LRBA: variants seen among roughly 807,000 people sequenced by gnomAD.
LRBA encodes the protein LPS responsive beige-like anchor protein.
LRBA carries 176 observed loss-of-function variants against 330.0 expected under a neutral mutation model. The observed-to-expected ratio is 0.53, with a 90% CI of 0.47 to 0.60. LRBA has a LOEUF of 0.60. Ranked by LOEUF, LRBA falls within the 20% of genes least tolerant of loss-of-function variation. The pLI, the probability that LRBA is intolerant of heterozygous loss-of-function variation, is 0.00. For synonymous variants in LRBA, 1,230 were observed against 1,193.0 expected (o/e 1.03, Z -0.64); for missense variants, 3,259 against 3,444.8 (o/e 0.95, Z 1.35).
At chr4:150,320,420 C>T (rs1732330283) in intron 50 of LRBA, among the ~76,000 whole-genome samples, 1 of 150,970 alleles carries the variant, frequency 6.6e-6, no homozygotes, top group Admixed American at 6.6e-5. Flanking sequence ...TTTAAGTGTT[C>T]TTTTTTTTTT....
At chr4:150,935,871 A>G (rs1457481688) in intron 2 of LRBA, among the ~76,000 whole-genome samples, 1 of 151,988 alleles carries the variant, frequency 6.6e-6, no homozygotes, top group Admixed American at 6.5e-5. Flanking sequence ...CTTACAAAAT[A>G]TGCCAAAATA....
chr4:150,283,282 G>C (rs4696238), intron 54 of LRBA, among the ~76,000 whole-genome samples: 140,836 of 152,196 alleles, frequency 0.93, 65,624 homozygotes, highest in Non-Finnish European at 0.99. Context: ...TCACAGCAAG[G>C]AGCAGCATCT....
chr4:150,847,243 C>T (rs1345012723), intron 26 of LRBA, among the ~76,000 whole-genome samples: 1 of 152,002 alleles, frequency 6.6e-6, no homozygotes, highest in African/African-American at 2.4e-5. Flanking sequence ...CCGTGAAAAT[C>T]AACAATGACA....
intron 46 of LRBA, among the ~76,000 whole-genome samples, chr4:150,431,710 A>G (rs577298608): frequency 4.3e-4 from 65 of 152,254 alleles, no homozygotes; most frequent in Non-Finnish European, 8.4e-4. Context: ...TAAGTGGCTT[A>G]TATTTGTGGT....
rs142658256 is a variant in LRBA at position 150,962,811 on chromosome 4, G to A, written c.217-33746C>T. Among the ~76,000 whole-genome samples the A allele has an allele frequency of 6.4e-4, 95 of 147,522 alleles. 1 individual carries two copies. In the East Asian group the frequency reaches 0.013, roughly 20 times the overall value. Reference sequence around the variant, plus strand: ...TCTACTAAAAATATAAAAATTAGCCGGGCGTGGTGGCATGTGCCTATAATC... The same window carrying A: ...TCTACTAAAAATATAAAAATTAGCCAGGCGTGGTGGCATGTGCCTATAATC... On this transcript the variant is annotated intron_variant, in intron 2 of 56. Transcript: ENST00000651943.
chr4:150,887,429 G>A (rs1729052757), intron 17 of LRBA, among the ~76,000 whole-genome samples: 1 of 152,094 alleles, frequency 6.6e-6, no homozygotes, highest in African/African-American at 2.4e-5. Flanking sequence ...AAAGTGAAAG[G>A]AGAAAGATAT....
At chr4:150,609,420 T>G (rs777258071) in intron 37 of LRBA, among the ~76,000 whole-genome samples, 1 of 152,172 alleles carries the variant, frequency 6.6e-6, no homozygotes, top group Non-Finnish European at 1.5e-5. Context: ...AGATTGGAAA[T>G]AGTTTATACA....
intron 40 of LRBA, among the ~76,000 whole-genome samples, chr4:150,520,178 C>G (rs1463632923): frequency 6.6e-6 from 1 of 152,068 alleles, no homozygotes; most frequent in Non-Finnish European, 1.5e-5. Context: ...TTCTAGAAGT[C>G]TCTTGTTCTT....
At chr4:150,457,993 C>A (rs998019377) in intron 44 of LRBA, among the ~76,000 whole-genome samples, 2 of 151,876 alleles carry the variant, frequency 1.3e-5, no homozygotes, top group East Asian at 1.9e-4. Context: ...CAGGATTATT[C>A]ATCACCCTGA....
intron 35 of LRBA, among the ~76,000 whole-genome samples, chr4:150,753,494 T>C (rs781609416): frequency 6.6e-6 from 1 of 152,186 alleles, no homozygotes; most frequent in African/African-American, 2.4e-5. Flanking sequence ...TAATAAATGA[T>C]CCTACGTACA....
At chr4:150,882,841 A>G in intron 17 of LRBA, among the ~76,000 whole-genome samples, 1 of 152,220 alleles carries the variant, frequency 6.6e-6, no homozygotes, top group East Asian at 1.9e-4. Flanking sequence ...GTCACTTCTA[A>G]GGAAGGATAA....
intron 2 of LRBA, among the ~76,000 whole-genome samples, chr4:150,938,069 T>C (rs1325206160): frequency 6.7e-6 from 1 of 148,956 alleles, no homozygotes; most frequent in Non-Finnish European, 1.5e-5. Context: ...AGGAGTATGG[T>C]ATAGTTTAAA....
chr4:150,930,775 A>G (rs1189295522), intron 2 of LRBA, among the ~76,000 whole-genome samples: 1 of 152,218 alleles, frequency 6.6e-6, no homozygotes, highest in Non-Finnish European at 1.5e-5. Flanking sequence ...TCTTTCTCAG[A>G]AAGCTCTGGT....
At chr4:150,328,686 T>C (rs1408053926) in intron 48 of LRBA, among the ~76,000 whole-genome samples, 1 of 151,894 alleles carries the variant, frequency 6.6e-6, no homozygotes, top group Non-Finnish European at 1.5e-5. Flanking sequence ...CCTCAAGAAG[T>C]ATTTATATTT....
chr4:150,413,022 A>T (rs932398652), intron 47 of LRBA, among the ~76,000 whole-genome samples: 1 of 151,962 alleles, frequency 6.6e-6, no homozygotes, highest in African/African-American at 2.4e-5. Context: ...TAATAAAAAG[A>T]CAACCCAATT....
chr4:150,441,385 C>T (rs1362474139), intron 44 of LRBA, among the ~76,000 whole-genome samples: 1 of 151,992 alleles, frequency 6.6e-6, no homozygotes, highest in Non-Finnish European at 1.5e-5. Context: ...CCAGGGGCCT[C>T]CAAATTTTAC....
intron 13 of LRBA, 96 bp downstream of exon 13, chr4:150,905,742 T>C: frequency 1.8e-6 from 2 of 1,086,108 alleles, no homozygotes; most frequent in South Asian, 1.8e-5. Flanking sequence ...TGCATAATAG[T>C]ACATAAAAAA....
At chr4:150,799,600 G>A (rs554685009) in intron 33 of LRBA, among the ~76,000 whole-genome samples, 1 of 152,176 alleles carries the variant, frequency 6.6e-6, no homozygotes, top group East Asian at 1.9e-4. Context: ...CCTGCCATTG[G>A]GCCCTGATGG....
chr4:150,472,943 T>A, intron 42 of LRBA, among the ~76,000 whole-genome samples: 1 of 152,156 alleles, frequency 6.6e-6, no homozygotes, highest in East Asian at 1.9e-4. Context: ...CCATAAACAT[T>A]CATGTATATA....
Sources: allele counts gnomAD v4.1 joint callset (sites outside exome capture counted in the v4.1 genomes callset), GRCh38; gene constraint gnomAD v4.1.1; transcripts MANE v1.5; gene names NCBI Gene and HGNC (gene_info 2026-07-23, HGNC 2026-07-21).